The following GCNT1 variants were observed in gnomAD, a reference collection of about 807,000 sequenced individuals.
GCNT1 encodes glucosaminyl (N-acetyl) transferase 1, also known as beta-1,3-galactosyl-O-glycosyl-glycoprotein beta-1,6-N-acetylglucosaminyltransferase.
In GCNT1, 16 loss-of-function variants were observed where a neutral mutation model predicts 26.2. That is an observed-to-expected ratio of 0.61 (90% confidence interval 0.41 to 0.93). The LOEUF is 0.93. GCNT1 is among the 40% of genes least tolerant of loss of function. The probability of loss-of-function intolerance (pLI) is 0.00; values close to 1 mark genes in which losing one functional copy is unlikely to be tolerated. For missense variants in GCNT1, 477 were observed against 526.7 expected (o/e 0.91, Z 0.92); for synonymous variants, 183 against 190.8 (o/e 0.96, Z 0.34).
Position 76,503,409 on chromosome 9 carries a change from A to G in GCNT1, c.1028A>G (p.Asp343Gly), listed in dbSNP as rs373409583. 1.2e-6 allele frequency: 2 copies of G among 1,614,130 alleles called. No individual in the cohort carries two copies. Among genetic ancestry groups the G allele is most frequent in the Non-Finnish European group, 1.7e-6 (2 of 1,180,008 alleles). Reference protein sequence around the residue: ...PGSLPASHKYDLSDMQAVARF... With the variant: ...PGSLPASHKYGLSDMQAVARF... ...TCACTCCCTGCCAGCCATAAGTATG[A>G]TCTGTCTGACATGCAAGCAGTTGCC... is the stretch of plus-strand genomic sequence containing the variant. The change falls in exon 4 of 4, where the codon GAT becomes GGT. Residue 343 changes from aspartate to glycine, a missense_variant. Transcript: ENST00000376730.
At chr9:76,497,868 C>T (rs1195923237) in intron 2 of GCNT1, among the ~76,000 whole-genome samples, 1 of 151,936 alleles carries the variant, frequency 6.6e-6, no homozygotes, top group Non-Finnish European at 1.5e-5. Context: ...ATTGAATATT[C>T]ACATACCATA....
At chr9:76,412,218 A>G in the GCNT1 span, among the ~76,000 whole-genome samples, 1 of 152,160 alleles carries the variant, frequency 6.6e-6, no homozygotes, top group Non-Finnish European at 1.5e-5. Context: ...CTTAGTGAGC[A>G]GAAGCATACA....
At chr9:76,394,206 G>C in the GCNT1 span, 1 of 1,554,536 alleles carries the variant, frequency 6.4e-7, no homozygotes, top group Non-Finnish European at 8.7e-7. Flanking sequence ...CTGCGGCCCG[G>C]TCTGCGCGTC....
At chr9:76,470,306 T>C (rs1316367419) in intron 2 of GCNT1, among the ~76,000 whole-genome samples, 2 of 152,070 alleles carry the variant, frequency 1.3e-5, no homozygotes, top group African/African-American at 4.8e-5. Flanking sequence ...ACTGCTGGAT[T>C]AAAAACAAGT....
At chr9:76,477,540 C>T (rs979919929) in intron 2 of GCNT1, among the ~76,000 whole-genome samples, 1 of 151,348 alleles carries the variant, frequency 6.6e-6, no homozygotes, top group Non-Finnish European at 1.5e-5. Context: ...AAAAAAAAGC[C>T]TCTTCCATGT....
At chr9:76,428,730 C>T (rs1243600082) in intron 1 of GCNT1, among the ~76,000 whole-genome samples, 6 of 123,106 alleles carry the variant, frequency 4.9e-5, no homozygotes, top group Admixed American at 1.8e-4. Context: ...GACAGAGTTT[C>T]GCTCTTGTTG....
At chr9:76,466,282 C>A (rs189405944) in intron 2 of GCNT1, among the ~76,000 whole-genome samples, 1 of 152,196 alleles carries the variant, frequency 6.6e-6, no homozygotes, top group East Asian at 1.9e-4. Flanking sequence ...GAAATTTAAA[C>A]ATGCTCTAAT....
chr9:76,418,700 A>G (rs1823153071), upstream of GCNT1, among the ~76,000 whole-genome samples: 1 of 152,198 alleles, frequency 6.6e-6, no homozygotes, highest in Non-Finnish European at 1.5e-5. Context: ...AGGGGAGTTG[A>G]GGGTGTAACA....
the GCNT1 span, chr9:76,394,106 C>T: frequency 6.2e-7 from 1 of 1,608,098 alleles, no homozygotes; most frequent in Non-Finnish European, 8.5e-7. Context: ...GGATGCCCAG[C>T]TGCTTGGAGC....
intron 2 of GCNT1, among the ~76,000 whole-genome samples, chr9:76,496,023 T>C (rs1824899150): frequency 1.3e-5 from 2 of 152,180 alleles, no homozygotes; most frequent in Admixed American, 1.3e-4. Context: ...CATGCTTGGA[T>C]TCCCCAGTAA....
chr9:76,478,309 A>G (rs749430327), intron 2 of GCNT1, among the ~76,000 whole-genome samples: 22 of 152,338 alleles, frequency 1.4e-4, no homozygotes, highest in Non-Finnish European at 2.6e-4. Flanking sequence ...CAGAGAGACT[A>G]TGAACCCACT....
Position 76,503,732 on chromosome 9 carries a change from C to T in GCNT1, c.*64C>T. On this transcript the variant is annotated 3_prime_UTR_variant, in exon 4 of 4. Coordinates refer to ENST00000376730, the MANE Select transcript of GCNT1 (RefSeq NM_001490.5). The stretch of plus-strand genomic sequence containing the variant: ...CAAAACGTACCCTTATCTGTTTCCC[C>T]TTCCTTGTCAGCATCGGGAAGATGG... 2.2e-6 allele frequency: 3 copies of T among 1,335,982 alleles called. No homozygotes were observed. The South Asian group carries it at 3.7e-5, about 16-fold the overall frequency. The allele number at this position is 1,335,982 out of a possible 1,614,324, so 82.8% of individuals were successfully genotyped here. A position where few individuals can be genotyped will look rare whatever the true frequency, so the allele number is the denominator to read the frequency against.
rs150085171 is a variant in GCNT1, at chr9:76,431,455, G to A, written n.38+11568G>A. On this transcript the variant is annotated intron_variant and non_coding_transcript_variant, in intron 1 of 3. Transcript: ENST00000488136. The stretch of plus-strand genomic sequence containing the variant: ...ATTATAATTTTATTATAAAAGTTAC[G>A]CATAGGGTGAGGTCTGGGAGAGAAC... Among the ~76,000 whole-genome samples the A allele has an allele frequency of 3.3e-3, 506 of 152,260 alleles. 1 individual carries two copies. The highest frequency in any genetic ancestry group is 5.6e-3 in the Non-Finnish European group (380 of 68,024).
chr9:76,418,091 A>G (rs147713018), upstream of GCNT1, among the ~76,000 whole-genome samples: 1 of 152,204 alleles, frequency 6.6e-6, no homozygotes, highest in East Asian at 1.9e-4. Context: ...AAATACACGT[A>G]AGGTATACAT....
rs138234792 is a variant in GCNT1, at chr9:76,502,626, T to G, written c.245T>G (p.Phe82Cys). The part of the protein sequence containing the change: ...KVKLEILTVK[F>C]KKRPRWTPDD... ...AAGCTTGAGATCCTAACAGTGAAATTTAAAAAGCGCCCTCGGTGGACACCT... is the reference window on the plus strand; with the variant it reads ...AAGCTTGAGATCCTAACAGTGAAATGTAAAAAGCGCCCTCGGTGGACACCT... Residue 82 changes from phenylalanine to cysteine, a missense_variant, in exon 4 of 4, where the codon TTT (phenylalanine) becomes TGT (cysteine). Coordinates refer to ENST00000376730, the MANE Select transcript of GCNT1 (RefSeq NM_001490.5). The G allele has an allele frequency of 6.2e-7, 1 of 1,613,856 alleles. No individual in the cohort carries two copies. The highest frequency in any genetic ancestry group is 1.1e-5 in the South Asian group (1 of 91,060).
At chr9:76,498,599 C>T (rs1158887591) in intron 2 of GCNT1, among the ~76,000 whole-genome samples, 1 of 151,908 alleles carries the variant, frequency 6.6e-6, no homozygotes, top group Admixed American at 6.6e-5. Context: ...ATCATGAAAC[C>T]CCGTCTCTAC....
In GCNT1 at chr9:76,502,331, G is replaced by T; in HGVS notation, c.-51G>T. The T allele has an allele frequency of 7.8e-7, 1 of 1,285,528 alleles. No homozygotes were observed. Among genetic ancestry groups the T allele is most frequent in the Non-Finnish European group, 1.1e-6 (1 of 903,936 alleles). The allele number at this position is 1,285,528 out of a possible 1,614,324, so 79.6% of individuals were successfully genotyped here. A position where few individuals can be genotyped will look rare whatever the true frequency, so the allele number is the denominator to read the frequency against. On this transcript the variant is annotated 5_prime_UTR_variant, in exon 4 of 4. Coordinates refer to ENST00000376730, the MANE Select transcript of GCNT1 (RefSeq NM_001490.5). ...GACGGAGGGAAAATCATTGGTGCTTGGAGCATAGAAGACTGCCCTTCACAA... is the reference window on the plus strand; with the variant it reads ...GACGGAGGGAAAATCATTGGTGCTTTGAGCATAGAAGACTGCCCTTCACAA...
upstream of GCNT1, among the ~76,000 whole-genome samples, chr9:76,419,657 CA>C (rs1397608464): frequency 1.3e-5 from 2 of 150,276 alleles, no homozygotes; most frequent in Non-Finnish European, 3.0e-5. Flanking sequence ...GACCCTGTGT[CA>C]AAAAAATAAA....
At chr9:76,452,214 C>G (rs572701964) in intron 1 of GCNT1, among the ~76,000 whole-genome samples, 1 of 152,200 alleles carries the variant, frequency 6.6e-6, no homozygotes, top group Admixed American at 6.5e-5. Flanking sequence ...GGTGATCCAC[C>G]CACCTTGGCC....
Sources: gnomAD v4.1 joint callset for allele counts (sites outside exome capture counted in the v4.1 genomes callset) on GRCh38, gnomAD v4.1.1 for gene constraint, MANE v1.5 for transcripts, NCBI Gene and HGNC (gene_info 2026-07-23, HGNC 2026-07-21) for gene names.